Variants in ENPP3 observed in about 807,000 individuals in gnomAD.
ENPP3 encodes ectonucleotide pyrophosphatase/phosphodiesterase 3, also known as ectonucleotide pyrophosphatase/phosphodiesterase family member 3.
In ENPP3, 104 loss-of-function variants were observed where a neutral mutation model predicts 117.8. The observed-to-expected ratio is 0.88, with a 90% confidence interval of 0.75 to 1.04. The LOEUF is 1.04. Among genes scored for constraint, ENPP3 ranks in the 50% least tolerant of loss-of-function variants. The probability of loss-of-function intolerance (pLI) is 0.00; values close to 1 mark genes in which losing one functional copy is unlikely to be tolerated. For synonymous variants in ENPP3, 380 were observed against 349.9 expected (o/e 1.09, Z -0.96); for missense variants, 1,026 against 1,051.9 (o/e 0.98, Z 0.34).
At chr6:131,709,811 T>C in intron 15 of ENPP3, 1 of 1,611,610 alleles carries the variant, frequency 6.2e-7, no homozygotes, top group Non-Finnish European at 8.5e-7. Context: ...TCCTCCACTG[T>C]TAATTTCCTG....
At chr6:131,663,336 A>G (rs1320935691) in intron 6 of ENPP3, among the ~76,000 whole-genome samples, 1 of 151,954 alleles carries the variant, frequency 6.6e-6, no homozygotes, top group Non-Finnish European at 1.5e-5. Flanking sequence ...CAACATTTCA[A>G]TCAACAACAG....
intron 7 of ENPP3, among the ~76,000 whole-genome samples, chr6:131,673,614 C>G (rs916423747): frequency 1.3e-5 from 2 of 151,782 alleles, no homozygotes; most frequent in Non-Finnish European, 1.5e-5. Flanking sequence ...TACAACAAAC[C>G]CCTATGACAC....
rs755343397 is a variant in ENPP3, at chr6:131,724,044, C to T, written c.1751C>T (p.Thr584Ile). The T allele has an allele frequency of 6.2e-7, 1 of 1,610,662 alleles. No individual in the cohort carries two copies. The highest frequency in any genetic ancestry group is 1.1e-5 in the South Asian group (1 of 90,964). Residue 584 changes from threonine to isoleucine, a missense_variant, in exon 19 of 25, where the codon ACT (threonine) becomes ATT (isoleucine). Coordinates refer to ENST00000357639, the MANE Select transcript of ENPP3 (RefSeq NM_005021.5). ...CCATCCCTCATTATCTTGCAGAGTA[C>T]TCAGCTGGAACAAGTGAATCAGATG... Reference protein sequence around the residue: ...DCFCPHLQNSTQLEQVNQMLN... With the variant: ...DCFCPHLQNSIQLEQVNQMLN...
At chr6:131,693,469 C>T (rs1585677596) in intron 14 of ENPP3, 28 bp from the exon 15 acceptor site, 1 of 1,593,296 alleles carries the variant, frequency 6.3e-7, no homozygotes, top group Non-Finnish European at 8.6e-7. Flanking sequence ...TCTTATGTAT[C>T]ATAAAGAAAT....
intron 11 of ENPP3, among the ~76,000 whole-genome samples, chr6:131,681,917 G>GC (rs1350097603): frequency 6.6e-6 from 1 of 152,054 alleles, no homozygotes; most frequent in Non-Finnish European, 1.5e-5. Context: ...TTGGCTCACT[G>GC]CCCCCCTGGG....
intron 14 of ENPP3, among the ~76,000 whole-genome samples, chr6:131,688,819 A>C (rs1192038920): frequency 6.7e-6 from 1 of 149,324 alleles, no homozygotes; most frequent in East Asian, 2.0e-4. Context: ...TGGGAGGCCG[A>C]GGCAGGTGGA....
At chr6:131,658,131 G>T (rs1778423562) in intron 5 of ENPP3, among the ~76,000 whole-genome samples, 192 bp from the exon 6 acceptor site, 2 of 149,898 alleles carry the variant, frequency 1.3e-5, no homozygotes, top group South Asian at 4.2e-4. Context: ...TCCAGCTTGG[G>T]TGACAGAGTA....
At chr6:131,675,908 A>T (rs1219109145) in intron 9 of ENPP3, among the ~76,000 whole-genome samples, 1 of 152,122 alleles carries the variant, frequency 6.6e-6, no homozygotes, top group Non-Finnish European at 1.5e-5. Flanking sequence ...TTGCACCAAA[A>T]ACTTCAATGG....
At chr6:131,734,771 G>A (rs1299958204) in intron 21 of ENPP3, among the ~76,000 whole-genome samples, 1 of 151,702 alleles carries the variant, frequency 6.6e-6, no homozygotes, top group African/African-American at 2.4e-5. Context: ...GTTTGCTGGT[G>A]CGCACCTGTA....
intron 9 of ENPP3, 47 bp from the exon 10 acceptor site, chr6:131,676,689 C>A: frequency 7.9e-7 from 1 of 1,265,000 alleles, no homozygotes; most frequent in Non-Finnish European, 1.2e-6. Context: ...TGGAGTTATT[C>A]TTGATTTGAT....
chr6:131,727,609 T>G (rs1780185800), intron 20 of ENPP3, among the ~76,000 whole-genome samples: 2 of 147,000 alleles, frequency 1.4e-5, no homozygotes, highest in Non-Finnish European at 3.0e-5. Flanking sequence ...ATGCCTAAAG[T>G]CAGTCCAAAC....
intron 1 of ENPP3, among the ~76,000 whole-genome samples, chr6:131,640,046 A>G (rs1778010010): frequency 6.6e-6 from 1 of 152,300 alleles, no homozygotes; most frequent in Non-Finnish European, 1.5e-5. Context: ...CCACAAATAT[A>G]TGGAACAAAT....
chr6:131,727,209 C>A (rs771675569), intron 20 of ENPP3, among the ~76,000 whole-genome samples: 1 of 151,990 alleles, frequency 6.6e-6, no homozygotes, highest in Non-Finnish European at 1.5e-5. Flanking sequence ...AGGATAGGAG[C>A]CAAGCAATTG....
intron 14 of ENPP3, among the ~76,000 whole-genome samples, chr6:131,690,421 A>G (rs1276866171): frequency 6.6e-6 from 1 of 152,240 alleles, no homozygotes; most frequent in Non-Finnish European, 1.5e-5. Flanking sequence ...ATGACAACTC[A>G]CTGAACGCTC....
chr6:131,683,462 C>A (rs1370909822), intron 12 of ENPP3, among the ~76,000 whole-genome samples: 3 of 152,136 alleles, frequency 2.0e-5, no homozygotes, highest in Admixed American at 1.3e-4. Flanking sequence ...TGCTTTGGGA[C>A]CTTCTTTCCA....
intron 2 of ENPP3, chr6:131,643,014 T>TGGAGTAAGTCTCATTGCTGCAGCATTA (rs1778085431): frequency 1.3e-5 from 2 of 152,230 alleles, no homozygotes; most frequent in African/African-American, 4.8e-5. Context: ...GTGACTCCAG[T>TGGAGTAAGTCTCATTGCTGCAGCATTA]GGAGTAAGTC....
chr6:131,700,569 C>A, intron 15 of ENPP3: 1 of 1,443,978 alleles, frequency 6.9e-7, no homozygotes, highest in Non-Finnish European at 9.3e-7. Flanking sequence ...ATTAAAGAGG[C>A]TGTGAAACAG....
At chr6:131,694,813 G>A (rs1388875468) in intron 15 of ENPP3, among the ~76,000 whole-genome samples, 4 of 145,198 alleles carry the variant, frequency 2.8e-5, no homozygotes, top group Non-Finnish European at 6.0e-5. Flanking sequence ...CAGCCTAGGC[G>A]ACAGATCAAA....
chr6:131,670,564 C>T (rs1380932968), intron 6 of ENPP3, among the ~76,000 whole-genome samples: 1 of 152,300 alleles, frequency 6.6e-6, no homozygotes, highest in South Asian at 2.1e-4. Context: ...GATGACAGCT[C>T]ACTGCCGTCT....
Sources: allele counts gnomAD v4.1 joint callset (sites outside exome capture counted in the v4.1 genomes callset), GRCh38; gene constraint gnomAD v4.1.1; transcripts MANE v1.5; gene names NCBI Gene and HGNC (gene_info 2026-07-23, HGNC 2026-07-21).